The following ASF1A variants were observed in gnomAD, a reference collection of about 807,000 sequenced individuals.
ASF1A encodes the protein histone chaperone ASF1A.
Under a neutral mutation model 22.0 loss-of-function variants are expected in ASF1A, and 5 were observed. That is an observed-to-expected ratio of 0.23 (90% CI 0.12 to 0.48). The LOEUF (loss-of-function observed/expected upper bound fraction) is 0.48, where lower values mean the gene tolerates loss of function less well. Ranked by LOEUF, ASF1A falls within the 20% of genes least tolerant of loss-of-function variation. The probability of loss-of-function intolerance (pLI) is 0.99; values close to 1 mark genes in which losing one functional copy is unlikely to be tolerated. For missense variants in ASF1A, 137 were observed against 240.6 expected (o/e 0.57, Z 2.85); for synonymous variants, 97 against 86.7 (o/e 1.12, Z -0.66).
intron 1 of ASF1A, among the ~76,000 whole-genome samples, chr6:118,898,565 C>T (rs1779595246): frequency 1.3e-5 from 2 of 151,986 alleles, no homozygotes; most frequent in African/African-American, 4.8e-5. Flanking sequence ...GCTGGGACCA[C>T]AGGCATGTGC....
Position 118,894,338 on chromosome 6 carries a change from T to A in ASF1A, c.-76T>A. 2 of 1,530,852 alleles carry A rather than the reference T, an allele frequency of 1.3e-6. No individual in the cohort carries two copies. Among genetic ancestry groups the A allele is most frequent in the Non-Finnish European group, 1.8e-6 (2 of 1,142,400 alleles). The allele number at this position is 1,530,852 out of a possible 1,614,324, so 94.8% of individuals were successfully genotyped here. A position where few individuals can be genotyped will look rare whatever the true frequency, so the allele number is the denominator to read the frequency against. The stretch of plus-strand genomic sequence containing the variant: ...GGCGCTGGAGCGGGGGTCTGCGCTC[T>A]CCCGAGCGGCCGCGCGCTGGACTTT... On this transcript the variant is annotated 5_prime_UTR_variant, in exon 1 of 4. Transcript: ENST00000229595.
chr6:118,903,145 CTGAAGGGAA>C (rs1779919922), intron 2 of ASF1A, among the ~76,000 whole-genome samples: 1 of 152,094 alleles, frequency 6.6e-6, no homozygotes, highest in Non-Finnish European at 1.5e-5. Context: ...AACCAATTTA[CTGAAGGGAA>C]CCAATTTACT....
intron 3 of ASF1A, 50 bp from the exon 4 acceptor site, chr6:118,907,352 G>A (rs1780250419): frequency 1.5e-6 from 2 of 1,311,812 alleles, no homozygotes; most frequent in Non-Finnish European, 2.1e-6. Flanking sequence ...TGTATATGGT[G>A]ATTTAACTTT....
intron 2 of ASF1A, 46 bp from the exon 3 acceptor site, chr6:118,905,606 C>T: frequency 6.8e-7 from 1 of 1,478,664 alleles, no homozygotes; most frequent in Non-Finnish European, 9.1e-7. Context: ...CTGCCACTAA[C>T]AGCCTTTTGT....
chr6:118,903,545 G>A (rs1779951616), intron 2 of ASF1A, among the ~76,000 whole-genome samples: 1 of 151,972 alleles, frequency 6.6e-6, no homozygotes, highest in African/African-American at 2.4e-5. Context: ...CAGGGCATAC[G>A]TTCTTAGATA....
intron 1 of ASF1A, among the ~76,000 whole-genome samples, chr6:118,898,674 T>A (rs1779603376): frequency 2.0e-5 from 3 of 152,156 alleles, no homozygotes; most frequent in African/African-American, 7.2e-5. Flanking sequence ...CACCTTAGCC[T>A]CCCACAATGC....
chr6:118,906,712 A>T (rs759879627), intron 3 of ASF1A, among the ~76,000 whole-genome samples: 163 of 152,198 alleles, frequency 1.1e-3, no homozygotes, highest in Non-Finnish European at 1.6e-3. Flanking sequence ...ATTCTTAAAG[A>T]TACTTAGTAT....
In ASF1A at chr6:118,908,113, C is replaced by G. The variant is rs1251491218; in HGVS notation, c.*499C>G. On this transcript the variant is annotated 3_prime_UTR_variant, in exon 4 of 4. Transcript: ENST00000229595. ...AAGAGGATTTGAAATCAACTATATG[C>G]TACCAAGAACTTTAGGATCCAATTT... The G allele has an allele frequency of 6.5e-6, 1 of 153,102 alleles. No individual in the cohort carries two copies. Among genetic ancestry groups the G allele is most frequent in the African/African-American group, 2.4e-5 (1 of 41,418 alleles). 9.5% of individuals were successfully genotyped at this position (153,102 alleles called of 1,614,324 possible).
intron 2 of ASF1A, among the ~76,000 whole-genome samples, chr6:118,904,155 A>C (rs1045226969): frequency 6.6e-6 from 1 of 152,190 alleles, no homozygotes; most frequent in African/African-American, 2.4e-5. Flanking sequence ...AGAGCTGGGG[A>C]GATCAGTTAG....
In ASF1A at chr6:118,908,782, A is replaced by G. The variant is rs1436755144; in HGVS notation, c.*1168A>G. ...TTATGCTCCATAAAATTGAGGTAGA[A>G]TATTTTCATTATTCTTGCAGCTAAG... On this transcript the variant is annotated 3_prime_UTR_variant, in exon 4 of 4. Transcript: ENST00000229595. 1 of 152,638 alleles carries G rather than the reference A, an allele frequency of 6.6e-6. No homozygotes were observed. Among genetic ancestry groups the G allele is most frequent in the Non-Finnish European group, 1.5e-5 (1 of 68,020 alleles). The allele number at this position is 152,638 out of a possible 1,614,324, so 9.5% of individuals were successfully genotyped here.
intron 1 of ASF1A, among the ~76,000 whole-genome samples, chr6:118,896,508 G>A (rs952815760): frequency 1.3e-5 from 2 of 152,124 alleles, no homozygotes; most frequent in African/African-American, 4.8e-5. Flanking sequence ...AAGCCAAAAC[G>A]TTCCATTTTT....
Position 118,907,827 on chromosome 6 carries a change from T to C in ASF1A, c.*213T>C. On this transcript the variant is annotated 3_prime_UTR_variant, in exon 4 of 4. Coordinates refer to ENST00000229595, the MANE Select transcript of ASF1A (RefSeq NM_014034.3). The stretch of plus-strand genomic sequence containing the variant: ...TTTTTTCTCTAATGTGTTATTTTAT[T>C]TGTTCTGAAACTAATCTGATTAAAG... 1 of 488,534 alleles carries C rather than the reference T, an allele frequency of 2.0e-6. No individual in the cohort carries two copies. Among genetic ancestry groups the C allele is most frequent in the Non-Finnish European group, 3.6e-6 (1 of 274,466 alleles). The allele number at this position is 488,534 out of a possible 1,614,324, so 30.3% of individuals were successfully genotyped here. A position where few individuals can be genotyped will look rare whatever the true frequency, so the allele number is the denominator to read the frequency against.
In ASF1A at chr6:118,908,426, T is replaced by C. The variant is rs1486923000; in HGVS notation, c.*812T>C. 1 of 152,178 alleles carries C rather than the reference T, an allele frequency of 6.6e-6. No homozygotes were observed. The highest frequency in any genetic ancestry group is 1.5e-5 in the Non-Finnish European group (1 of 67,990). 9.4% of individuals were successfully genotyped at this position (152,178 alleles called of 1,614,324 possible). ...GGCTCAAATTGGTTCATTTGATTTC[T>C]AAAAATACCATGACCTTTAAAAATT... On this transcript the variant is annotated 3_prime_UTR_variant, in exon 4 of 4. Coordinates refer to ENST00000229595, the MANE Select transcript of ASF1A (RefSeq NM_014034.3).
chr6:118,907,909 G>C lies in ASF1A; in HGVS notation c.*295G>C. 1 of 231,284 alleles carries C rather than the reference G, an allele frequency of 4.3e-6. No homozygotes were observed. The highest frequency in any genetic ancestry group is 8.0e-5 in the South Asian group (1 of 12,572). The allele number at this position is 231,284 out of a possible 1,614,324, so 14.3% of individuals were successfully genotyped here. A position where few individuals can be genotyped will look rare whatever the true frequency, so the allele number is the denominator to read the frequency against. ...AATGAAAGCACTTATAAAGAAACAG[G>C]AATCATTAGACCAGGTTGTAAAGAT... is the stretch of plus-strand genomic sequence containing the variant. On this transcript the variant is annotated 3_prime_UTR_variant, in exon 4 of 4. Transcript: ENST00000229595.
chr6:118,900,650 A>G (rs185586987), intron 1 of ASF1A, 116 bp from the exon 2 acceptor site: 9 of 733,332 alleles, frequency 1.2e-5, no homozygotes, highest in Admixed American at 8.1e-5. Context: ...CTGGATTGCT[A>G]TGAGAAGCCA....
intron 1 of ASF1A, among the ~76,000 whole-genome samples, chr6:118,897,375 G>A (rs1462343387): frequency 4.6e-5 from 7 of 152,082 alleles, no homozygotes; most frequent in Non-Finnish European, 7.3e-5. Flanking sequence ...CTGAGACCCT[G>A]GCTGGATGTG....
intron 1 of ASF1A, among the ~76,000 whole-genome samples, 175 bp from the exon 2 acceptor site, chr6:118,900,591 A>G (rs1365133821): frequency 1.3e-5 from 2 of 152,224 alleles, no homozygotes; most frequent in Admixed American, 1.3e-4. Context: ...AACTCTGATC[A>G]AAGTGTGAAC....
chr6:118,906,423 T>G (rs1780183006), intron 3 of ASF1A, among the ~76,000 whole-genome samples: 1 of 152,198 alleles, frequency 6.6e-6, no homozygotes, highest in Non-Finnish European at 1.5e-5. Flanking sequence ...TTTATAGCAT[T>G]TCCCATATTG....
Position 118,907,277 on chromosome 6 carries a change from T to C in ASF1A, c.403-125T>C, listed in dbSNP as rs565857681. 138 of 646,054 alleles carry C rather than the reference T, an allele frequency of 2.1e-4. 1 individual carries two copies. The East Asian group carries it at 3.1e-3, about 14-fold the overall frequency. The allele number at this position is 646,054 out of a possible 1,614,324, so 40.0% of individuals were successfully genotyped here. A position where few individuals can be genotyped will look rare whatever the true frequency, so the allele number is the denominator to read the frequency against. The stretch of plus-strand genomic sequence containing the variant: ...TATTTAAGGTACTTAACTTGAATTA[T>C]ACCTTTGTATATGAACTTAGCCCTT... On this transcript the variant is annotated intron_variant, in intron 3 of 3. Coordinates refer to ENST00000229595, the MANE Select transcript of ASF1A (RefSeq NM_014034.3).
Sources: allele counts gnomAD v4.1 joint callset (sites outside exome capture counted in the v4.1 genomes callset), GRCh38; gene constraint gnomAD v4.1.1; transcripts MANE v1.5; gene names NCBI Gene and HGNC (gene_info 2026-07-23, HGNC 2026-07-21).